Variants in LOC128125822 observed in about 807,000 individuals in gnomAD.
At chr6:63,580,530 A>G in the LOC128125822 span, 1 of 182,014 alleles carries the variant, frequency 5.5e-6, no homozygotes, top group South Asian at 1.3e-4. Flanking sequence ...GTGCCAAAAT[A>G]CCCAGCACAA....
the LOC128125822 span, chr6:63,573,157 G>A: frequency 7.1e-5 from 11 of 155,844 alleles, no homozygotes; most frequent in Non-Finnish European, 1.4e-4. Flanking sequence ...GCGTCCCGGG[G>A]CCTCTTTGTT....
At chr6:63,580,413 T>TTG in the LOC128125822 span, 1 of 433,538 alleles carries the variant, frequency 2.3e-6, no homozygotes, top group Non-Finnish European at 4.2e-6. Context: ...TGCTTGTCAT[T>TTG]TGTATCAATT....
At chr6:63,578,868 C>T in the LOC128125822 span, 2 of 1,480,728 alleles carry the variant, frequency 1.4e-6, no homozygotes, top group East Asian at 4.7e-5. Context: ...TATTAATGAT[C>T]TAAAATGTTT....
the LOC128125822 span, chr6:63,579,946 A>T: frequency 2.6e-6 from 2 of 762,494 alleles, no homozygotes; most frequent in Admixed American, 4.5e-5. Context: ...TCACAGCCTA[A>T]TTAATCAAAA....
At chr6:63,582,270 CCA>C in the LOC128125822 span, 194 of 152,370 alleles carry the variant, frequency 1.3e-3, 1 homozygote, top group African/African-American at 4.1e-3. Flanking sequence ...TAAACTATTA[CCA>C]CACAGCCCAT....
the LOC128125822 span, among the ~76,000 whole-genome samples, chr6:63,576,001 A>G: frequency 6.6e-6 from 1 of 151,768 alleles, no homozygotes; most frequent in Non-Finnish European, 1.5e-5. Flanking sequence ...TGTTTTTGTT[A>G]GTTGGAAAAA....
chr6:63,573,225 G>A, the LOC128125822 span: 1 of 152,884 alleles, frequency 6.5e-6, no homozygotes, highest in Non-Finnish European at 1.5e-5. Context: ...GTGGGGCGAG[G>A]GCTGCGCGTG....
the LOC128125822 span, among the ~76,000 whole-genome samples, chr6:63,579,740 G>T: frequency 6.6e-6 from 1 of 152,286 alleles, no homozygotes; most frequent in South Asian, 2.1e-4. Context: ...GGCTTTTGTA[G>T]TCATCTTCCC....
At chr6:63,572,501 C>T in the LOC128125822 span, 13 of 390,480 alleles carry the variant, frequency 3.3e-5, no homozygotes, top group African/African-American at 1.7e-4. Flanking sequence ...TGTATTGGCT[C>T]CTTCGGCTGC....
the LOC128125822 span, among the ~76,000 whole-genome samples, chr6:63,575,347 C>T: frequency 1.2e-4 from 18 of 152,232 alleles, no homozygotes; most frequent in African/African-American, 4.3e-4. Context: ...CCTCTTTACT[C>T]CCGAGTACAC....
the LOC128125822 span, among the ~76,000 whole-genome samples, chr6:63,575,030 A>G: frequency 0.075 from 11,374 of 152,238 alleles, 471 homozygotes; most frequent in East Asian, 0.16. Flanking sequence ...TGTATGTTTT[A>G]CCAGAAAAGT....
the LOC128125822 span, chr6:63,572,734 C>T: frequency 2.5e-6 from 1 of 398,474 alleles, no homozygotes; most frequent in Non-Finnish European, 4.4e-6. Context: ...GTAGCCGTCG[C>T]ATCGTCGCCT....
chr6:63,581,933 ATGTCTT>A, the LOC128125822 span: 1 of 152,300 alleles, frequency 6.6e-6, no homozygotes, highest in Non-Finnish European at 1.5e-5. Flanking sequence ...CTAAATCTAG[ATGTCTT>A]TGTCTAATTT....
the LOC128125822 span, chr6:63,573,404 C>T: frequency 5.6e-4 from 86 of 152,394 alleles, no homozygotes; most frequent in African/African-American, 1.9e-3. Context: ...CAGCTACACT[C>T]TTGTGCTCGA....
the LOC128125822 span, chr6:63,582,867 T>C: frequency 6.6e-6 from 1 of 152,268 alleles, no homozygotes; most frequent in African/African-American, 2.4e-5. Context: ...AACACAGCTC[T>C]ATACCTAGAA....
chr6:63,577,226 A>ATTTGCTTG, the LOC128125822 span, among the ~76,000 whole-genome samples: 30 of 152,348 alleles, frequency 2.0e-4, no homozygotes, highest in African/African-American at 7.0e-4. Context: ...TGGACAGTAA[A>ATTTGCTTG]ACAGTATAGC....
At chr6:63,577,870 C>A in the LOC128125822 span, among the ~76,000 whole-genome samples, 2 of 149,216 alleles carry the variant, frequency 1.3e-5, no homozygotes, top group Non-Finnish European at 3.0e-5. Flanking sequence ...CTAATATATA[C>A]TATATAGTGT....
the LOC128125822 span, chr6:63,579,364 T>G: frequency 6.7e-7 from 1 of 1,499,038 alleles, no homozygotes; most frequent in South Asian, 1.2e-5. Flanking sequence ...ATTTGTACTC[T>G]CTTTCATTTC....
the LOC128125822 span, chr6:63,579,229 C>A: frequency 1.3e-6 from 2 of 1,569,866 alleles, no homozygotes; most frequent in South Asian, 2.3e-5. Context: ...TTTGAAAAAA[C>A]TATTTATCAA....
Sources: allele counts gnomAD v4.1 joint callset (sites outside exome capture counted in the v4.1 genomes callset), GRCh38; gene constraint gnomAD v4.1.1; transcripts MANE v1.5.